The following CD8A variants were observed in gnomAD, a reference collection of about 807,000 sequenced individuals.
The protein encoded by CD8A is T-cell surface glycoprotein CD8 alpha chain.
CD8A carries 25 observed loss-of-function variants against 24.2 expected under a neutral mutation model. That is an observed-to-expected ratio of 1.03 (90% CI 0.75 to 1.44). CD8A has a LOEUF of 1.44. Ranked by LOEUF, CD8A falls within the 40% of genes most tolerant of loss-of-function variation. The pLI, the probability that CD8A is intolerant of heterozygous loss-of-function variation, is 0.00. For missense variants in CD8A, 360 were observed against 319.7 expected, an observed-to-expected ratio of 1.13 and a Z score of -0.96; for synonymous variants, 165 against 149.9, an observed-to-expected ratio of 1.10 and a Z score of -0.74.
upstream of CD8A, chr2:86,790,974 C>T (rs752835045): frequency 7.3e-6 from 6 of 819,170 alleles, no homozygotes; most frequent in African/African-American, 3.4e-5. Context: ...TCACCCGAAG[C>T]CCCCGCCGAG....
upstream of CD8A, among the ~76,000 whole-genome samples, chr2:86,792,838 G>A (rs1553431293): frequency 6.7e-6 from 1 of 148,386 alleles, no homozygotes; most frequent in Non-Finnish European, 1.5e-5. Context: ...TTTGATTTCA[G>A]TACCTCCTTC....
Position 86,788,516 on chromosome 2 carries a change from CAA to C in CD8A, c.656+12_656+13del, listed in dbSNP as rs1558734406. ...CTGGCCAAGGTGAGCAGGCTGAGTTCAAAAGAGACTCACCGGGGACATTTGCA... is the reference window on the plus strand; with the variant it reads ...CTGGCCAAGGTGAGCAGGCTGAGTTCAAGAGACTCACCGGGGACATTTGCA... On this transcript the variant is annotated intron_variant, in intron 5 of 5. Coordinates refer to ENST00000283635, the MANE Select transcript of CD8A (RefSeq NM_001768.7). The C allele has an allele frequency of 3.2e-6, 5 of 1,576,822 alleles. No homozygotes were observed. The Admixed American group carries it at 6.9e-5, about 22-fold the overall frequency.
chr2:86,807,975 G>A (rs989787159), intron 1 of CD8A: 4 of 152,404 alleles, frequency 2.6e-5, no homozygotes, highest in Admixed American at 6.6e-5. Context: ...GGTGGGGCCG[G>A]GTCCCAGCTA....
chr2:86,794,787 C>CAA (rs1343496467), upstream of CD8A, among the ~76,000 whole-genome samples: 231 of 152,264 alleles, frequency 1.5e-3, no homozygotes, highest in African/African-American at 5.3e-3. Flanking sequence ...TGAGGCCCTG[C>CAA]ACACTTGGTT....
At chr2:86,797,624 A>G (rs1673525239) in intron 3 of CD8A, among the ~76,000 whole-genome samples, 1 of 152,182 alleles carries the variant, frequency 6.6e-6, no homozygotes, top group Non-Finnish European at 1.5e-5. Flanking sequence ...TGTCAGATGA[A>G]GTGATGTTGA....
intron 5 of CD8A, among the ~76,000 whole-genome samples, chr2:86,787,034 A>AAAG (rs1553430158): frequency 1.4e-5 from 2 of 145,876 alleles, no homozygotes; most frequent in African/African-American, 2.5e-5. Flanking sequence ...AAAAAAAAAA[A>AAAG]AAAAAAGAAA....
intron 3 of CD8A, among the ~76,000 whole-genome samples, chr2:86,798,271 G>A (rs1410338998): frequency 1.3e-5 from 2 of 151,910 alleles, no homozygotes; most frequent in African/African-American, 2.4e-5. Context: ...CACCTCCCAG[G>A]TTCAAGCTAT....
chr2:86,801,317 GCTCT>G (rs898635561), intron 3 of CD8A, among the ~76,000 whole-genome samples: 9 of 139,640 alleles, frequency 6.4e-5, no homozygotes, highest in African/African-American at 1.9e-4. Flanking sequence ...CCTCCTTCCC[GCTCT>G]CTTTCTCTCT....
At chr2:86,807,381 T>C (rs1327193126) in intron 2 of CD8A, 1 of 152,416 alleles carries the variant, frequency 6.6e-6, no homozygotes, top group Non-Finnish European at 1.5e-5. Flanking sequence ...GGAATGTTTC[T>C]GCGCGTGCCC....
upstream of CD8A, among the ~76,000 whole-genome samples, chr2:86,794,155 ATGGCATGAAGAAAT>A (rs1673402482): frequency 6.6e-6 from 1 of 152,184 alleles, no homozygotes; most frequent in African/African-American, 2.4e-5. Context: ...CTGACTTGGG[ATGGCATGAAGAAAT>A]GTGAATGACT....
chr2:86,791,343 C>T, upstream of CD8A: 1 of 361,896 alleles, frequency 2.8e-6, no homozygotes, highest in Non-Finnish European at 5.4e-6. Flanking sequence ...GCGACCTGCC[C>T]GCTTCTGAGG....
rs770166408 is a variant in CD8A at position 86,790,458 on chromosome 2, G to C, written c.273C>G (p.Gly91=). The stretch of plus-strand genomic sequence containing the variant: ...GGACGAAGGTGTCCCCCAACCTCTT[G>C]CCCGAGAACCGCTGGGTGTCCAGCC... ...AEGLDTQRFS[G]KRLGDTFVLT... The change falls in exon 2 of 6, where the codon GGC becomes GGG. Residue 91 remains glycine (G), a synonymous_variant. Transcript: ENST00000283635. 6.2e-7 allele frequency: 1 copy of C among 1,614,040 alleles called. No individual in the cohort carries two copies. Among genetic ancestry groups the C allele is most frequent in the Admixed American group, 1.7e-5 (1 of 60,014 alleles).
intron 2 of CD8A, among the ~76,000 whole-genome samples, chr2:86,803,019 T>C (rs1673724827): frequency 6.6e-6 from 1 of 152,226 alleles, no homozygotes; most frequent in African/African-American, 2.4e-5. Flanking sequence ...AATTGATATA[T>C]TATTTATGTG....
chr2:86,803,904 A>G (rs1026212201), intron 2 of CD8A, among the ~76,000 whole-genome samples: 2 of 152,238 alleles, frequency 1.3e-5, no homozygotes, highest in Admixed American at 1.3e-4. Flanking sequence ...GGTTATCAAG[A>G]TTGGAGTAGG....
intron 2 of CD8A, among the ~76,000 whole-genome samples, chr2:86,803,425 T>G (rs62146076): frequency 0.058 from 8,897 of 152,248 alleles, 333 homozygotes; most frequent in Non-Finnish European, 0.086. Flanking sequence ...TACAAGGGAA[T>G]TCAGCCTTAA....
chr2:86,796,965 G>A (rs912073173), intron 3 of CD8A, among the ~76,000 whole-genome samples: 1 of 152,158 alleles, frequency 6.6e-6, no homozygotes, highest in Non-Finnish European at 1.5e-5. Context: ...TCAGGTCAGA[G>A]GGATGGATTT....
chr2:86,785,569 C>A lies in CD8A; in HGVS notation c.*351G>T. ...TCAAGCTGTCTCTGGGCTTTAGCCT[C>A]CCCCTTTGTAAAACGGGCGGGGAAG... is the stretch of plus-strand genomic sequence containing the variant. On this transcript the variant is annotated 3_prime_UTR_variant, in exon 6 of 6. Transcript: ENST00000283635. 1 of 513,228 alleles carries A rather than the reference C, an allele frequency of 1.9e-6. No homozygotes were observed. Among genetic ancestry groups the A allele is most frequent in the Non-Finnish European group, 3.8e-6 (1 of 265,660 alleles). 31.8% of individuals were successfully genotyped at this position (513,228 alleles called of 1,614,324 possible). A position where few individuals can be genotyped will look rare whatever the true frequency, so the allele number is the denominator to read the frequency against.
At chr2:86,791,259 C>A, upstream of CD8A, 12 of 373,782 alleles carry the variant, frequency 3.2e-5, no homozygotes, top group South Asian at 2.1e-4. Flanking sequence ...TCACTAAAGG[C>A]GTCTCTTGTA....
upstream of CD8A, among the ~76,000 whole-genome samples, chr2:86,793,242 T>C (rs930675704): frequency 3.9e-5 from 6 of 152,214 alleles, no homozygotes; most frequent in Admixed American, 2.0e-4. Context: ...CTGCTGTTAG[T>C]GGACATTTAG....
Sources: allele counts gnomAD v4.1 joint callset (sites outside exome capture counted in the v4.1 genomes callset), GRCh38; gene constraint gnomAD v4.1.1; transcripts MANE v1.5; gene names NCBI Gene and HGNC (gene_info 2026-07-23, HGNC 2026-07-21).